The following RNF167 variants were observed in gnomAD, a reference collection of about 807,000 sequenced individuals.
RNF167 encodes E3 ubiquitin-protein ligase RNF167.
In RNF167, 19 loss-of-function variants were observed where a neutral mutation model predicts 34.8. The ratio of observed to expected loss-of-function variants is 0.55; its 90% CI spans 0.38 to 0.80. RNF167 has a LOEUF of 0.80. Among genes scored for constraint, RNF167 ranks in the 30% least tolerant of loss-of-function variants. The probability of loss-of-function intolerance (pLI) is 0.00; values close to 1 mark genes in which losing one functional copy is unlikely to be tolerated. For missense variants in RNF167, 464 were observed against 447.0 expected, an observed-to-expected ratio of 1.04 and a Z score of -0.34; for synonymous variants, 200 against 170.4, an observed-to-expected ratio of 1.17 and a Z score of -1.35.
chr17:4,944,780 C>T lies in RNF167; in HGVS notation c.817C>T (p.Gln273Ter), dbSNP rs1180937950. Residue 273 changes from glutamine to a stop codon, truncating the protein, a stop_gained, in exon 10 of 10, where the codon CAG (glutamine) becomes TAG (stop). Coordinates refer to ENST00000262482, the MANE Select transcript of RNF167 (RefSeq NM_015528.3). LOFTEE classifies it low-confidence loss of function (END_TRUNC). ...CCGGAAGACCTGCCCCATTTGCAAGCAGCCTGTTCATCGGGGTCCTGGGGA... is the reference window on the plus strand; with the variant it reads ...CCGGAAGACCTGCCCCATTTGCAAGTAGCCTGTTCATCGGGGTCCTGGGGA... ...QTRKTCPICK[Q>*]PVHRGPGDED... 1 of 1,612,442 alleles carries T rather than the reference C, an allele frequency of 6.2e-7. No homozygotes were observed. Among genetic ancestry groups the T allele is most frequent in the East Asian group, 2.2e-5 (1 of 44,854 alleles).
intron 8 of RNF167, among the ~76,000 whole-genome samples, chr17:4,944,197 G>T (rs1971138813): frequency 6.6e-6 from 1 of 152,226 alleles, no homozygotes; most frequent in Non-Finnish European, 1.5e-5. Context: ...TGGGAGGAAT[G>T]GGGAGGATTC....
chr17:4,940,942 T>C lies in RNF167; in HGVS notation c.33T>C (p.Val11=). MHPAAFPLPV[V]VAAVLWGAAP... Reference sequence around the variant, plus strand: ...CTGCAGCCTTCCCGCTTCCTGTGGTTGTGGCCGCTGTGCTGTGGGGAGCGG... The same window carrying C: ...CTGCAGCCTTCCCGCTTCCTGTGGTCGTGGCCGCTGTGCTGTGGGGAGCGG... Residue 11 remains valine, a synonymous_variant, in exon 2 of 10, where the codon GTT becomes GTC. Transcript: ENST00000262482. 6.2e-7 allele frequency: 1 copy of C among 1,610,328 alleles called. No individual in the cohort carries two copies.
chr17:4,945,000 C>G lies in RNF167; in HGVS notation c.1037C>G (p.Pro346Arg), dbSNP rs748102551. The change falls in exon 10 of 10, where the codon CCT (proline) becomes CGT (arginine). Residue 346 changes from proline to arginine, a missense_variant. Coordinates refer to ENST00000262482, the MANE Select transcript of RNF167 (RefSeq NM_015528.3). ...CCCCCACTGTCCCCTCCCTCTTCCC[C>G]TGTTATCCTGGTCTAATAACCCCCC... ...TDPPLSPPSS[P>R]VILV The G allele has an allele frequency of 1.9e-6, 3 of 1,549,754 alleles. No individual in the cohort carries two copies. The South Asian group carries it at 3.7e-5, about 19-fold the overall frequency.
intron 8 of RNF167, among the ~76,000 whole-genome samples, chr17:4,943,938 G>C (rs983961403): frequency 1.3e-5 from 2 of 152,168 alleles, no homozygotes; most frequent in Non-Finnish European, 2.9e-5. Flanking sequence ...GTTGTCGGGG[G>C]CTGAGATTGC....
At position 4,942,563 on chromosome 17, in the gene RNF167, C is replaced by T. The variant is rs1368786732; in HGVS notation, c.292-14C>T. The T allele has an allele frequency of 2.5e-6, 4 of 1,613,908 alleles. No homozygotes were observed. In the South Asian group the frequency reaches 4.4e-5, roughly 18 times the overall value. On this transcript the variant is annotated splice_polypyrimidine_tract_variant and intron_variant, in intron 4 of 9. Transcript: ENST00000262482. The stretch of plus-strand genomic sequence containing the variant: ...GCCCATGATGGCTCCTTGTCCTCTG[C>T]CTTGTCTCCCTAGGTCCTAAATGCC...
intron 8 of RNF167, among the ~76,000 whole-genome samples, chr17:4,943,902 G>C (rs775443019): frequency 6.6e-6 from 1 of 152,182 alleles, no homozygotes; most frequent in Non-Finnish European, 1.5e-5. Flanking sequence ...TGAGACAGGA[G>C]AATCACTTGA....
Position 4,942,626 on chromosome 17 carries a change from T to C in RNF167, c.341T>C (p.Val114Ala), listed in dbSNP as rs1166962812. ...AGYGAAVVHN[V>A]NSNELLNMVW... ...TATGGTGCCGCTGTAGTACACAATG[T>C]GAATTCCAATGAACTTCTGAACATG... The change falls in exon 5 of 10, where the codon GTG (valine) becomes GCG (alanine). Residue 114 changes from valine to alanine, a missense_variant. By Grantham distance (64) the Val-to-Ala change is moderately conservative (BLOSUM62 0). Coordinates refer to ENST00000262482, the MANE Select transcript of RNF167 (RefSeq NM_015528.3). 6.2e-7 allele frequency: 1 copy of C among 1,614,056 alleles called. No homozygotes were observed. Among genetic ancestry groups the C allele is most frequent in the Non-Finnish European group, 8.5e-7 (1 of 1,180,050 alleles).
At chr17:4,944,489 GCTTTAAAAGC>G (rs1210967307) in intron 8 of RNF167, 59 bp from the exon 9 acceptor site, 53 of 1,513,682 alleles carry the variant, frequency 3.5e-5, no homozygotes, top group Non-Finnish European at 4.6e-5. Flanking sequence ...TTTTTGCAAG[GCTTTAAAAGC>G]CTTAGCCCTG....
chr17:4,944,632 G>T lies in RNF167; in HGVS notation c.745G>T (p.Ala249Ser), dbSNP rs145960812. The T allele has an allele frequency of 6.2e-7, 1 of 1,614,084 alleles. No homozygotes were observed. The highest frequency in any genetic ancestry group is 8.5e-7 in the Non-Finnish European group (1 of 1,179,986). Residue 249 changes from alanine to serine, a missense_variant, in exon 9 of 10, where the codon GCT (alanine) becomes TCT (serine). Coordinates refer to ENST00000262482, the MANE Select transcript of RNF167 (RefSeq NM_015528.3). ...DGDKLRVLPC[A>S]HAYHSRCVDP... ...GGACAAGCTGCGGGTACTCCCCTGT[G>T]CTCATGGTGAGGCCCTCACTGCCTG...
At chr17:4,940,228 C>G (rs1360118919), upstream of RNF167, 1 of 257,234 alleles carries the variant, frequency 3.9e-6, no homozygotes, top group Non-Finnish European at 7.2e-6. Flanking sequence ...CTCGCGAGAT[C>G]GAGTGAGTAC....
At chr17:4,942,208 A>T (rs1451064031) in intron 3 of RNF167, 133 bp from the exon 4 acceptor site, 1 of 1,033,714 alleles carries the variant, frequency 9.7e-7, no homozygotes, top group Non-Finnish European at 1.4e-6. Context: ...TGGGATGCTC[A>T]CTCAGACCCC....
At position 4,941,162 on chromosome 17, in the gene RNF167, TTTTC is replaced by T. The variant is rs765799830; in HGVS notation, c.165+13_165+16del. ...TTGAGCCAGGAGGGCCTCCAGGTGA[TTTTC>T]TTTCTTTTCTTTTCCTCCTTCCCTC... On this transcript the variant is annotated splice_donor_region_variant and intron_variant, in intron 3 of 9. Transcript: ENST00000262482. 8 of 1,609,294 alleles carry T rather than the reference TTTTC, an allele frequency of 5.0e-6. No individual in the cohort carries two copies. The highest frequency in any genetic ancestry group is 4.0e-5 in the African/African-American group (3 of 74,820).
Position 4,944,716 on chromosome 17 carries a change from C to T in RNF167, c.753C>T (p.Ala251=). Residue 251 remains alanine (A), a splice_region_variant and synonymous_variant, in exon 10 of 10, where the codon GCC becomes GCT. Coordinates refer to ENST00000262482, the MANE Select transcript of RNF167 (RefSeq NM_015528.3). Reference sequence around the variant, plus strand: ...GCTTCACCTTGTTCCTCTCTGCAGCCTACCACAGCCGCTGCGTGGACCCCT... The same window carrying T: ...GCTTCACCTTGTTCCTCTCTGCAGCTTACCACAGCCGCTGCGTGGACCCCT... The part of the protein sequence containing the change: ...DKLRVLPCAH[A]YHSRCVDPWL... 6.2e-7 allele frequency: 1 copy of T among 1,614,112 alleles called. No homozygotes were observed. The highest frequency in any genetic ancestry group is 8.5e-7 in the Non-Finnish European group (1 of 1,180,012).
At position 4,942,616 on chromosome 17, in the gene RNF167, G is replaced by A; in HGVS notation, c.331G>A (p.Val111Ile). 1 of 1,614,186 alleles carries A rather than the reference G, an allele frequency of 6.2e-7. No individual in the cohort carries two copies. Among genetic ancestry groups the A allele is most frequent in the Non-Finnish European group, 8.5e-7 (1 of 1,180,036 alleles). Residue 111 changes from valine to isoleucine, a missense_variant, in exon 5 of 10, where the codon GTA (valine) becomes ATA (isoleucine). By Grantham distance (29) the Val-to-Ile change is conservative. Transcript: ENST00000262482. ...AQKAGYGAAV[V>I]HNVNSNELLN... Reference sequence around the variant, plus strand: ...GAAGGCTGGATATGGTGCCGCTGTAGTACACAATGTGAATTCCAATGAACT... The same window carrying A: ...GAAGGCTGGATATGGTGCCGCTGTAATACACAATGTGAATTCCAATGAACT...
At chr17:4,942,278 G>A (rs1970887495) in intron 3 of RNF167, 63 bp from the exon 4 acceptor site, 2 of 1,576,208 alleles carry the variant, frequency 1.3e-6, no homozygotes, top group Admixed American at 1.7e-5. Context: ...GTGTTTGGTG[G>A]CCCCTGTAGA....
chr17:4,942,694 C>A, intron 5 of RNF167, 30 bp downstream of exon 5: 1 of 1,608,972 alleles, frequency 6.2e-7, no homozygotes, highest in Non-Finnish European at 8.5e-7. Flanking sequence ...TACAGCTGGG[C>A]TTTCAGTAGG....
At chr17:4,943,648 C>T in intron 8 of RNF167, 129 bp downstream of exon 8, 2 of 770,802 alleles carry the variant, frequency 2.6e-6, no homozygotes, top group East Asian at 2.7e-5. Flanking sequence ...TCCCAAGTGC[C>T]TCTAATCCCA....
At chr17:4,944,031 T>C (rs1329491120) in intron 8 of RNF167, among the ~76,000 whole-genome samples, 1 of 152,182 alleles carries the variant, frequency 6.6e-6, no homozygotes, top group African/African-American at 2.4e-5. Context: ...AGTAGGAAGG[T>C]TTCAGCTTGA....
chr17:4,940,895 T>A lies in RNF167; in HGVS notation c.-15T>A. ...CAGGACGCGCGGCCTCCTCAGCCTCTTTCCTCCCGCTGCCATGCACCCTGC... is the reference window on the plus strand; with the variant it reads ...CAGGACGCGCGGCCTCCTCAGCCTCATTCCTCCCGCTGCCATGCACCCTGC... On this transcript the variant is annotated 5_prime_UTR_variant, in exon 2 of 10. Coordinates refer to ENST00000262482, the MANE Select transcript of RNF167 (RefSeq NM_015528.3). The A allele has an allele frequency of 6.4e-7, 1 of 1,568,632 alleles. No homozygotes were observed.
Sources: gnomAD v4.1 joint callset for allele counts (sites outside exome capture counted in the v4.1 genomes callset) on GRCh38, gnomAD v4.1.1 for gene constraint, MANE v1.5 for transcripts, NCBI Gene and HGNC (gene_info 2026-07-23, HGNC 2026-07-21) for gene names.